The following ANXA8 variants were observed in gnomAD, a reference collection of about 807,000 sequenced individuals.
ANXA8 encodes annexin A8.
In ANXA8, 9 loss-of-function variants were observed where a neutral mutation model predicts 26.8. That is an observed-to-expected ratio of 0.34 (90% CI 0.20 to 0.59). The LOEUF is 0.59. ANXA8 is among the 20% of genes least tolerant of loss of function. The probability of loss-of-function intolerance (pLI) is 0.84; values close to 1 mark genes in which losing one functional copy is unlikely to be tolerated. For missense variants in ANXA8, 83 were observed against 238.5 expected, an observed-to-expected ratio of 0.35 and a Z score of 4.29; for synonymous variants, 39 against 94.8, an observed-to-expected ratio of 0.41 and a Z score of 3.42.
At chr10:47,651,136 G>T in the ANXA8 span, among the ~76,000 whole-genome samples, 1 of 151,412 alleles carries the variant, frequency 6.6e-6, no homozygotes, top group Non-Finnish European at 1.5e-5. Context: ...TGCCGTCGAG[G>T]CTGCAGTGAG....
the ANXA8 span, among the ~76,000 whole-genome samples, chr10:47,652,236 C>T: frequency 2.0e-5 from 3 of 151,666 alleles, no homozygotes; most frequent in South Asian, 2.1e-4. Flanking sequence ...AATGTGAATA[C>T]GCTAAAACTA....
intron 1 of ANXA8, among the ~76,000 whole-genome samples, chr10:47,483,178 G>A (rs1195136109): frequency 2.0e-5 from 3 of 151,138 alleles, no homozygotes; most frequent in Non-Finnish European, 2.9e-5. Flanking sequence ...CCTGAGCCCC[G>A]GGTTCCTCCA....
the ANXA8 span, chr10:47,502,847 A>G: frequency 2.0e-5 from 32 of 1,603,598 alleles, no homozygotes; most frequent in Non-Finnish European, 3.4e-6. Flanking sequence ...CGCTCCTCAT[A>G]CGTCGTGGCT....
the ANXA8 span, among the ~76,000 whole-genome samples, chr10:47,673,873 T>C: frequency 6.7e-6 from 1 of 149,104 alleles, no homozygotes; most frequent in African/African-American, 2.5e-5. Flanking sequence ...TGATATATTT[T>C]CATTAACTAA....
chr10:47,700,726 G>C, the ANXA8 span, among the ~76,000 whole-genome samples: 2 of 151,350 alleles, frequency 1.3e-5, no homozygotes, highest in Non-Finnish European at 2.9e-5. Flanking sequence ...CAAACTTGGA[G>C]AAAATATTTG....
the ANXA8 span, among the ~76,000 whole-genome samples, chr10:47,597,721 T>G: frequency 8.6e-6 from 1 of 116,660 alleles, no homozygotes; most frequent in Admixed American, 8.6e-5. Context: ...GTAAAAGATC[T>G]CTTTAAGTAG....
chr10:47,565,639 C>T, the ANXA8 span: 4 of 344,988 alleles, frequency 1.2e-5, no homozygotes, highest in Admixed American at 9.7e-5. Flanking sequence ...ACTTCGGCTA[C>T]GCGGCTGCCG....
At chr10:47,733,219 T>TTCTCTCTCTCTCTCTC in the ANXA8 span, among the ~76,000 whole-genome samples, 18 of 68,082 alleles carry the variant, frequency 2.6e-4, no homozygotes, top group South Asian at 1.0e-3. Flanking sequence ...CTTTCTTTCT[T>TTCTCTCTCTCTCTCTC]TCTCTTTCTT....
chr10:47,720,903 T>G, the ANXA8 span, among the ~76,000 whole-genome samples: 2 of 139,886 alleles, frequency 1.4e-5, no homozygotes, highest in Non-Finnish European at 3.1e-5. Context: ...TCCCAGCACT[T>G]TGGGAGGCCG....
chr10:47,720,825 T>G, the ANXA8 span, among the ~76,000 whole-genome samples: 1 of 140,004 alleles, frequency 7.1e-6, no homozygotes, highest in South Asian at 2.2e-4. Flanking sequence ...CTGTGAAAGT[T>G]GCTTTTGTGG....
the ANXA8 span, among the ~76,000 whole-genome samples, chr10:47,945,472 C>CT: frequency 6.6e-6 from 1 of 150,848 alleles, no homozygotes. Context: ...CCTCACTAAC[C>CT]TTCCTGGCCT....
At chr10:47,689,535 C>A in the ANXA8 span, among the ~76,000 whole-genome samples, 24 of 151,932 alleles carry the variant, frequency 1.6e-4, no homozygotes, top group East Asian at 3.5e-3. Context: ...TTAATAATTT[C>A]TTGTGTATTT....
At chr10:47,898,634 A>G in the ANXA8 span, among the ~76,000 whole-genome samples, 1 of 86,900 alleles carries the variant, frequency 1.2e-5, no homozygotes, top group African/African-American at 5.2e-5. Context: ...ACTGAGGCAG[A>G]CTTTAGATTT....
At chr10:47,483,772 C>A in intron 1 of ANXA8, 141 bp downstream of exon 1, 3 of 1,596,958 alleles carry the variant, frequency 1.9e-6, no homozygotes, top group Non-Finnish European at 2.6e-6. Flanking sequence ...CCCTTCCCAC[C>A]CTCCATGCTT....
the ANXA8 span, among the ~76,000 whole-genome samples, chr10:47,702,586 C>G: frequency 2.6e-5 from 4 of 151,514 alleles, no homozygotes; most frequent in African/African-American, 9.7e-5. Flanking sequence ...AATGATCTGC[C>G]CACTTTGGCC....
chr10:47,645,614 C>T, the ANXA8 span, among the ~76,000 whole-genome samples: 1 of 151,592 alleles, frequency 6.6e-6, no homozygotes, highest in East Asian at 1.9e-4. Context: ...CGTGAATTGT[C>T]CCAGACCTCC....
chr10:47,659,675 T>C, the ANXA8 span, among the ~76,000 whole-genome samples: 1 of 141,030 alleles, frequency 7.1e-6, no homozygotes. Flanking sequence ...AAACTCTGTC[T>C]CAAAAAAAAA....
At chr10:47,495,457 T>G in the ANXA8 span, among the ~76,000 whole-genome samples, 18 of 149,328 alleles carry the variant, frequency 1.2e-4, no homozygotes, top group Admixed American at 6.7e-4. Flanking sequence ...TGCTAATTTT[T>G]GTATTTTTGG....
At chr10:47,519,296 T>A in the ANXA8 span, among the ~76,000 whole-genome samples, 1 of 117,824 alleles carries the variant, frequency 8.5e-6, no homozygotes, top group Non-Finnish European at 1.7e-5. Flanking sequence ...GGTGAAACCC[T>A]GTCTCTACCA....
Sources: allele counts gnomAD v4.1 joint callset (sites outside exome capture counted in the v4.1 genomes callset), GRCh38; gene constraint gnomAD v4.1.1; transcripts MANE v1.5; gene names NCBI Gene and HGNC (gene_info 2026-07-23, HGNC 2026-07-21).